Variants in ALPK1 observed in about 807,000 individuals in gnomAD.
The protein encoded by ALPK1 is alpha kinase 1, also known as alpha-protein kinase 1.
In ALPK1, 110 loss-of-function variants were observed where a neutral mutation model predicts 120.6. That is an observed-to-expected ratio of 0.91 (90% CI 0.78 to 1.07). The LOEUF (loss-of-function observed/expected upper bound fraction) is 1.07. Ranked by LOEUF, ALPK1 falls within the 50% of genes least tolerant of loss-of-function variation. The pLI, the probability that ALPK1 is intolerant of heterozygous loss-of-function variation, is 0.00. For synonymous variants in ALPK1, 582 were observed against 560.3 expected (o/e 1.04, Z -0.55); for missense variants, 1,498 against 1,483.9 (o/e 1.01, Z -0.16).
intron 1 of ALPK1, among the ~76,000 whole-genome samples, chr4:112,309,524 C>T (rs1017545620): frequency 7.9e-5 from 12 of 152,122 alleles, no homozygotes; most frequent in Non-Finnish European, 1.8e-4. Flanking sequence ...AGCGAGGCTC[C>T]GTGGGTGTGG....
intron 5 of ALPK1, chr4:112,412,548 T>A: frequency 2.3e-6 from 1 of 428,342 alleles, no homozygotes. Context: ...CCTGTCACTT[T>A]GAATGAAATG....
chr4:112,337,918 C>T (rs753251369), intron 2 of ALPK1, among the ~76,000 whole-genome samples: 31 of 151,994 alleles, frequency 2.0e-4, no homozygotes, highest in Non-Finnish European at 3.7e-4. Flanking sequence ...GCATAAAAGC[C>T]GAATGGTTTG....
chr4:112,391,334 C>G lies in ALPK1; in HGVS notation c.276+8782C>G, dbSNP rs140420463. On this transcript the variant is annotated intron_variant, in intron 4 of 15. Transcript: ENST00000650871. ...GTTGAAGAGAGTGTCAGTGTTACAG[C>G]CAAACTGCAGGCCATAAAAAGTATG... Among the ~76,000 whole-genome samples the G allele has an allele frequency of 5.6e-3, 855 of 152,228 alleles. 15 individuals are homozygous for G. The highest frequency in any genetic ancestry group is 0.019 in the African/African-American group (783 of 41,522).
rs746785388 is a variant in ALPK1, at chr4:112,382,407, C to T, written c.131C>T (p.Pro44Leu). 6.8e-6 allele frequency: 11 copies of T among 1,613,154 alleles called. No individual in the cohort carries two copies. Among genetic ancestry groups the T allele is most frequent in the African/African-American group, 2.7e-5 (2 of 74,592 alleles). Residue 44 changes from proline (P) to leucine (L), a missense_variant, in exon 4 of 16, where the codon CCC becomes CTC. Pro to Leu is a moderately conservative substitution (Grantham distance 98). Transcript: ENST00000650871. ...SEDQRCRALL[P>L]SELRTLIQEA... is the part of the protein sequence containing the mutation. The stretch of plus-strand genomic sequence containing the variant: ...ACTCTGACCTTTTCAGCTTTACTCC[C>T]CAGCGAGTTAAGGACCCTGATCCAG...
chr4:112,368,761 T>A (rs576487329), intron 2 of ALPK1, among the ~76,000 whole-genome samples: 78 of 152,292 alleles, frequency 5.1e-4, no homozygotes, highest in South Asian at 2.3e-3. Context: ...CCACAGACAA[T>A]TTTCCTGGGA....
chr4:112,392,992 C>A (rs1413135323), intron 4 of ALPK1, among the ~76,000 whole-genome samples: 1 of 152,212 alleles, frequency 6.6e-6, no homozygotes, highest in South Asian at 2.1e-4. Context: ...TCTACATGTC[C>A]ATCTGAGGTC....
chr4:112,412,174 T>C, intron 5 of ALPK1, 149 bp downstream of exon 5: 1 of 937,862 alleles, frequency 1.1e-6, no homozygotes, highest in Middle Eastern at 2.8e-4. Flanking sequence ...CCCGCCCCTG[T>C]GCCCTTCCAC....
At chr4:112,361,931 C>T (rs1173262330) in intron 2 of ALPK1, among the ~76,000 whole-genome samples, 2 of 152,200 alleles carry the variant, frequency 1.3e-5, no homozygotes, top group Non-Finnish European at 2.9e-5. Context: ...CAGACACTCC[C>T]CAGTACCAAC....
intron 2 of ALPK1, among the ~76,000 whole-genome samples, chr4:112,348,561 G>A (rs1730194253): frequency 6.6e-6 from 1 of 152,240 alleles, no homozygotes; most frequent in African/African-American, 2.4e-5. Context: ...TTGTCACTCT[G>A]TGAATAGCTT....
chr4:112,325,901 A>G (rs1212877253), intron 2 of ALPK1, among the ~76,000 whole-genome samples: 3 of 152,110 alleles, frequency 2.0e-5, no homozygotes, highest in Non-Finnish European at 2.9e-5. Context: ...ACCCTCCCAA[A>G]GGATTTCACC....
intron 2 of ALPK1, chr4:112,357,217 C>T: frequency 6.5e-7 from 1 of 1,544,150 alleles, no homozygotes. Context: ...AGACCAAGGG[C>T]TGCATCCTGG....
At chr4:112,326,761 C>G (rs961201442) in intron 2 of ALPK1, among the ~76,000 whole-genome samples, 2 of 152,168 alleles carry the variant, frequency 1.3e-5, no homozygotes, top group African/African-American at 4.8e-5. Flanking sequence ...AGGCCTTAGC[C>G]CCTATGTGTA....
At chr4:112,301,113 T>G (rs1054812438) in intron 1 of ALPK1, among the ~76,000 whole-genome samples, 1 of 152,180 alleles carries the variant, frequency 6.6e-6, no homozygotes, top group Non-Finnish European at 1.5e-5. Flanking sequence ...CAGCTCTAAT[T>G]AAAGTTTGGA....
At chr4:112,388,941 T>C (rs1289713496) in intron 4 of ALPK1, among the ~76,000 whole-genome samples, 2 of 152,180 alleles carry the variant, frequency 1.3e-5, no homozygotes, top group African/African-American at 4.8e-5. Context: ...TTAAGAAAAT[T>C]AATGCTCAGA....
intron 5 of ALPK1, among the ~76,000 whole-genome samples, chr4:112,419,852 G>A (rs1287771243): frequency 6.6e-6 from 1 of 152,104 alleles, no homozygotes; most frequent in East Asian, 1.9e-4. Context: ...CCTCTGTAAG[G>A]CCCATTTCTT....
chr4:112,429,010 T>C, intron 9 of ALPK1, 139 bp from the exon 10 acceptor site: 1 of 765,216 alleles, frequency 1.3e-6, no homozygotes, highest in Non-Finnish European at 2.3e-6. Context: ...CACTTACTCT[T>C]TCTTTACACT....
At chr4:112,311,968 AG>A (rs1214981800) in intron 1 of ALPK1, among the ~76,000 whole-genome samples, 1 of 150,510 alleles carries the variant, frequency 6.6e-6, no homozygotes, top group Non-Finnish European at 1.5e-5. Context: ...AAATACACAC[AG>A]GGGGTCACAG....
In ALPK1 at chr4:112,425,534, T is replaced by C. The variant is rs2148758552; in HGVS notation, c.536-131T>C. ...ACTACAGCAAGAAGTTTGGACCTGA[T>C]TCTAAATGTAGAGACGAGATTGTTT... is the stretch of plus-strand genomic sequence containing the variant. On this transcript the variant is annotated intron_variant, in intron 6 of 15. Coordinates refer to ENST00000650871, the MANE Select transcript of ALPK1 (RefSeq NM_025144.4). 1.1e-5 allele frequency: 8 copies of C among 727,524 alleles called. No homozygotes were observed. The South Asian group carries it at 1.4e-4, about 13-fold the overall frequency. 45.1% of individuals were successfully genotyped at this position (727,524 alleles called of 1,614,324 possible). A position where few individuals can be genotyped will look rare whatever the true frequency, so the allele number is the denominator to read the frequency against.
At chr4:112,439,643 C>T (rs1337550732) in intron 13 of ALPK1, 43 bp from the exon 14 acceptor site, 1 of 1,529,432 alleles carries the variant, frequency 6.5e-7, no homozygotes, top group Non-Finnish European at 8.8e-7. Context: ...AAGACAATGG[C>T]CTTTACCATT....
Sources: allele counts gnomAD v4.1 joint callset (sites outside exome capture counted in the v4.1 genomes callset), GRCh38; gene constraint gnomAD v4.1.1; transcripts MANE v1.5; gene names NCBI Gene and HGNC (gene_info 2026-07-23, HGNC 2026-07-21).